The following KAT6B variants were observed in gnomAD, a reference collection of about 807,000 sequenced individuals.
KAT6B encodes histone acetyltransferase KAT6B.
A neutral mutation model predicts 187.5 loss-of-function variants in KAT6B; 10 were observed. That is an observed-to-expected ratio of 0.05 (90% CI 0.03 to 0.09). KAT6B has a LOEUF of 0.09. KAT6B is among the 10% of genes least tolerant of loss of function. The pLI is 1.00. For synonymous variants in KAT6B, 861 were observed against 926.8 expected, an observed-to-expected ratio of 0.93 and a Z score of 1.29; for missense variants, 1,952 against 2,558.9, an observed-to-expected ratio of 0.76 and a Z score of 5.12.
intron 13 of KAT6B, among the ~76,000 whole-genome samples, chr10:75,013,116 G>A (rs1844728568): frequency 6.6e-6 from 1 of 152,126 alleles, no homozygotes; most frequent in African/African-American, 2.4e-5. Flanking sequence ...ACTGGGTCAG[G>A]CCATTTTCCC....
chr10:74,923,478 G>A (rs891081192), intron 3 of KAT6B, among the ~76,000 whole-genome samples: 3 of 152,170 alleles, frequency 2.0e-5, no homozygotes, highest in Non-Finnish European at 2.9e-5. Context: ...AGCAGAGTAA[G>A]GGAATTAAGG....
chr10:75,024,842 A>G (rs1056475372), intron 16 of KAT6B, 116 bp from the exon 17 acceptor site: 2 of 940,156 alleles, frequency 2.1e-6, no homozygotes, highest in African/African-American at 1.6e-5. Flanking sequence ...AAGGCATTAC[A>G]GAAGTCACCA....
intron 13 of KAT6B, among the ~76,000 whole-genome samples, chr10:75,014,610 A>T (rs1190238261): frequency 6.6e-6 from 1 of 152,210 alleles, no homozygotes; most frequent in Non-Finnish European, 1.5e-5. Flanking sequence ...AGCATTTGAA[A>T]ACTACCGATT....
At position 74,975,612 on chromosome 10, in the gene KAT6B, T is replaced by A; in HGVS notation, c.1275T>A (p.Leu425=). Residue 425 remains leucine (L), a synonymous_variant, in exon 8 of 18, where the codon CTT becomes CTA. Transcript: ENST00000287239. ...TTSTYISAST[L]KVNKKTKGLI... Reference sequence around the variant, plus strand: ...CCACCTACATTTCTGCCTCTACACTTAAAGTTAACAAGAAAACCAAAGGGC... The same window carrying A: ...CCACCTACATTTCTGCCTCTACACTAAAAGTTAACAAGAAAACCAAAGGGC... 1.9e-6 allele frequency: 3 copies of A among 1,614,050 alleles called. No individual in the cohort carries two copies. The highest frequency in any genetic ancestry group is 1.7e-6 in the Non-Finnish European group (2 of 1,180,002).
chr10:74,958,411 G>T (rs541327963), intron 3 of KAT6B, among the ~76,000 whole-genome samples: 5 of 152,308 alleles, frequency 3.3e-5, no homozygotes, highest in African/African-American at 1.2e-4. Context: ...TTGTGATTAT[G>T]TTGGGTGTTC....
intron 3 of KAT6B, among the ~76,000 whole-genome samples, chr10:74,874,632 C>T (rs909096073): frequency 6.6e-6 from 1 of 152,076 alleles, no homozygotes; most frequent in Non-Finnish European, 1.5e-5. Context: ...CCACCTGCCT[C>T]GGCCTCCCAA....
intron 3 of KAT6B, among the ~76,000 whole-genome samples, chr10:74,867,198 G>A (rs1843615627): frequency 6.6e-6 from 1 of 152,154 alleles, no homozygotes. Flanking sequence ...TTTATGATAT[G>A]CAGTGTTGCC....
chr10:75,012,452 T>C (rs1844674441), intron 13 of KAT6B, among the ~76,000 whole-genome samples: 1 of 151,942 alleles, frequency 6.6e-6, no homozygotes, highest in African/African-American at 2.4e-5. Flanking sequence ...GTCCAAAAAA[T>C]AAAAGAAAAA....
intron 3 of KAT6B, among the ~76,000 whole-genome samples, chr10:74,854,704 C>G (rs1842702780): frequency 6.6e-6 from 1 of 152,126 alleles, no homozygotes; most frequent in Non-Finnish European, 1.5e-5. Context: ...TTCATACATC[C>G]TTTCTCTAAT....
Position 74,843,160 on chromosome 10 carries a change from T to A in KAT6B, c.303T>A (p.Asp101Glu), listed in dbSNP as rs1331105054. The A allele has an allele frequency of 6.2e-7, 1 of 1,614,188 alleles. No individual in the cohort carries two copies. Among genetic ancestry groups the A allele is most frequent in the Non-Finnish European group, 8.5e-7 (1 of 1,180,036 alleles). The part of the protein sequence containing the change: ...SAKGSRGSCN[D>E]LRNVDWNKLL... ...AGGGGTCTAGAGGATCATGTAATGATCTCCGCAATGTGGATTGGAATAAAC... is the reference window on the plus strand; with the variant it reads ...AGGGGTCTAGAGGATCATGTAATGAACTCCGCAATGTGGATTGGAATAAAC... The change falls in exon 3 of 18, where the codon GAT (aspartate) becomes GAA (glutamate). Residue 101 changes from aspartate to glutamate, a missense_variant. Around this residue, in one of 9 missense-constraint regions of KAT6B, gnomAD observed 218 missense variants for 282.6 expected, o/e 0.77. Transcript: ENST00000287239.
intron 13 of KAT6B, among the ~76,000 whole-genome samples, chr10:74,997,563 G>A (rs1451139548): frequency 4.6e-5 from 7 of 152,044 alleles, no homozygotes; most frequent in African/African-American, 1.7e-4. Context: ...AAGTCTCTTA[G>A]GTATAATGGC....
At chr10:74,987,281 C>T (rs981242997) in intron 12 of KAT6B, among the ~76,000 whole-genome samples, 3 of 152,056 alleles carry the variant, frequency 2.0e-5, no homozygotes, top group African/African-American at 7.2e-5. Flanking sequence ...ACTAAGAATA[C>T]AAAAATTAGC....
intron 4 of KAT6B, among the ~76,000 whole-genome samples, chr10:74,961,231 A>G (rs371908042): frequency 6.6e-6 from 1 of 152,206 alleles, no homozygotes; most frequent in African/African-American, 2.4e-5. Flanking sequence ...TTTCAGCCCC[A>G]CGATATCCCT....
chr10:74,836,231 G>A (rs180679007), intron 1 of KAT6B, among the ~76,000 whole-genome samples: 1 of 152,254 alleles, frequency 6.6e-6, no homozygotes, highest in Admixed American at 6.5e-5. Flanking sequence ...TGGACATTTG[G>A]GCTGTTTACA....
Position 74,987,881 on chromosome 10 carries a change from C to T in KAT6B, c.2536-1138C>T, listed in dbSNP as rs536128362. Among the ~76,000 whole-genome samples, 23 of 152,294 alleles carry T rather than the reference C, an allele frequency of 1.5e-4. No homozygotes were observed. In the South Asian group the frequency reaches 3.9e-3, roughly 26 times the overall value. On this transcript the variant is annotated intron_variant, in intron 12 of 17. Transcript: ENST00000287239. ...CATTTGTCTAACTTTGCAAAACAGA[C>T]GAATTACTTGAACCTTTGCCATTGA...
chr10:74,825,445 G>C (rs1342359246), upstream of KAT6B: 1 of 151,408 alleles, frequency 6.6e-6, no homozygotes, highest in African/African-American at 2.4e-5. The surrounding 1 kb of genome is among the most constrained non-coding windows in gnomAD (Gnocchi z 5.0). Context: ...GGCGCGGGGG[G>C]AGCGGGGCTG....
chr10:74,872,803 C>G (rs767417671), intron 3 of KAT6B, among the ~76,000 whole-genome samples: 21 of 151,952 alleles, frequency 1.4e-4, no homozygotes, highest in Admixed American at 1.3e-4. Context: ...GCATGAGCCA[C>G]TGTACCTGTC....
chr10:74,962,216 T>C (rs552926196), intron 4 of KAT6B, among the ~76,000 whole-genome samples: 1 of 152,358 alleles, frequency 6.6e-6, no homozygotes, highest in South Asian at 2.1e-4. Context: ...GAATAGACTT[T>C]GTTGTTTTTT....
intron 16 of KAT6B, chr10:75,023,563 T>A (rs1291030939): frequency 6.6e-6 from 1 of 152,218 alleles, no homozygotes; most frequent in Non-Finnish European, 1.5e-5. Flanking sequence ...TACCTTGGCT[T>A]CCCTCATATT....
Sources: gnomAD v4.1 joint callset for allele counts (sites outside exome capture counted in the v4.1 genomes callset) on GRCh38, gnomAD v4.1.1 for gene constraint, gnomAD v4.1.1 regional missense constraint, Gnocchi (gnomAD v3.1) non-coding constraint, MANE v1.5 for transcripts, NCBI Gene and HGNC (gene_info 2026-07-23, HGNC 2026-07-21) for gene names.